Variants in AMELY observed in about 807,000 individuals in gnomAD.
The protein encoded by AMELY is amelogenin, Y isoform.
A neutral mutation model predicts 4.2 loss-of-function variants in AMELY; 4 were observed. The observed-to-expected ratio is 0.96, with a 90% CI of 0.47 to 2.19. The LOEUF (loss-of-function observed/expected upper bound fraction) is 2.19. AMELY is among the 30% of genes most tolerant of loss of function. The pLI is 0.02. For synonymous variants in AMELY, 11 were observed against 14.7 expected, an observed-to-expected ratio of 0.75 and a Z score of 0.57; for missense variants, 32 against 41.5, an observed-to-expected ratio of 0.77 and a Z score of 0.63.
In AMELY at chrY:6,891,568, TCTC is replaced by T. The variant is rs2054082963; in HGVS notation, c.-112-17500_-112-17498del. ...TGTCTGAGAGGTTTTGTCTGTAGCT[TCTC>T]CTGCTACAGCAGTATCAGAGTTTAC... is the stretch of plus-strand genomic sequence containing the variant. On this transcript the variant is annotated intron_variant, in intron 1 of 6. Transcript: ENST00000651267. 1.8e-4 allele frequency among the ~76,000 whole-genome samples: 6 copies of T among 33,786 alleles called. No homozygotes were observed. In the South Asian group the frequency reaches 4.1e-3, roughly 23 times the overall value. The allele number at this position is 33,786 out of a possible 37,273, so 90.6% of individuals were successfully genotyped here.
chrY:6,906,333 T>C, intron 1 of AMELY, among the ~76,000 whole-genome samples: 1 of 33,721 alleles, frequency 3.0e-5, no homozygotes, highest in Non-Finnish European at 7.3e-5. Flanking sequence ...TATATATGTA[T>C]GTATACATAC....
intron 1 of AMELY, among the ~76,000 whole-genome samples, chrY:6,885,719 C>A (rs2054079679): frequency 2.9e-5 from 1 of 34,233 alleles, no homozygotes; most frequent in African/African-American, 1.1e-4. Flanking sequence ...TTATTCTTTG[C>A]AGCAACATAG....
At chrY:6,892,390 A>G (rs776180577) in intron 1 of AMELY, among the ~76,000 whole-genome samples, 1 of 33,446 alleles carries the variant, frequency 3.0e-5, no homozygotes, top group East Asian at 7.9e-4. Context: ...ATTCATCTGC[A>G]TTCTACCACC....
At chrY:6,890,788 G>GCAC (rs2054082514) in intron 1 of AMELY, among the ~76,000 whole-genome samples, 1 of 33,685 alleles carries the variant, frequency 3.0e-5, no homozygotes, top group African/African-American at 1.2e-4. Flanking sequence ...CTTGTCACTG[G>GCAC]TGGTGCTAGG....
At chrY:6,897,129 C>G (rs1603022950) in intron 1 of AMELY, among the ~76,000 whole-genome samples, 1 of 33,282 alleles carries the variant, frequency 3.0e-5, no homozygotes, top group East Asian at 8.1e-4. Context: ...ATGATCTGGG[C>G]CAGATAATCA....
intron 1 of AMELY, among the ~76,000 whole-genome samples, chrY:6,882,509 G>A: frequency 3.0e-5 from 1 of 33,182 alleles, no homozygotes; most frequent in Non-Finnish European, 7.4e-5. Flanking sequence ...GAAAACCTAG[G>A]CAATACCATT....
At chrY:6,910,626 G>A (rs759428101) in intron 1 of AMELY, 12 of 50,250 alleles carry the variant, frequency 2.4e-4, no homozygotes, top group African/African-American at 1.3e-3. Context: ...CACCGCCAGT[G>A]CCAATCCCTT....
intron 1 of AMELY, among the ~76,000 whole-genome samples, chrY:6,900,082 G>GAA (rs2054088399): frequency 3.0e-5 from 1 of 33,480 alleles, no homozygotes; most frequent in Non-Finnish European, 7.4e-5. Flanking sequence ...AGGTTATAGA[G>GAA]AATAGTCACG....
intron 1 of AMELY, among the ~76,000 whole-genome samples, chrY:6,888,275 T>A: frequency 3.0e-5 from 1 of 33,845 alleles, no homozygotes; most frequent in Admixed American, 2.7e-4. Flanking sequence ...TTGAGCTTTT[T>A]TCATATGTCT....
intron 1 of AMELY, among the ~76,000 whole-genome samples, chrY:6,910,447 A>T (rs2124086751): frequency 2.5e-4 from 8 of 31,867 alleles, no homozygotes; most frequent in Admixed American, 2.2e-3. Flanking sequence ...CCTTAGGGGA[A>T]GGGCTGGTTC....
intron 1 of AMELY, among the ~76,000 whole-genome samples, chrY:6,891,975 A>C: frequency 5.8e-5 from 2 of 34,256 alleles, no homozygotes; most frequent in African/African-American, 2.3e-4. Context: ...TGCATTCGTT[A>C]CTGTGCATTC....
intron 1 of AMELY, among the ~76,000 whole-genome samples, chrY:6,885,483 T>C: frequency 3.0e-5 from 1 of 33,496 alleles, no homozygotes; most frequent in African/African-American, 1.2e-4. Context: ...TCAAAGGAGT[T>C]TAAAACAGAA....
intron 1 of AMELY, among the ~76,000 whole-genome samples, chrY:6,902,550 C>T: frequency 3.2e-5 from 1 of 31,669 alleles, no homozygotes; most frequent in Admixed American, 2.9e-4. Context: ...AATGGATCTC[C>T]TGTATTCCTT....
At chrY:6,884,166 C>G in intron 1 of AMELY, among the ~76,000 whole-genome samples, 1 of 30,105 alleles carries the variant, frequency 3.3e-5, no homozygotes, top group Admixed American at 3.3e-4. Flanking sequence ...CCATCGTCTG[C>G]AAACTATCAC....
intron 3 of AMELY, among the ~76,000 whole-genome samples, chrY:6,871,891 A>G (rs1603021545): frequency 3.2e-5 from 1 of 31,603 alleles, no homozygotes; most frequent in Non-Finnish European, 7.6e-5. Flanking sequence ...CCTGGGAGGC[A>G]GAGGTTGCAG....
At chrY:6,891,358 C>T (rs920417504) in intron 1 of AMELY, among the ~76,000 whole-genome samples, 5 of 33,755 alleles carry the variant, frequency 1.5e-4, no homozygotes, top group African/African-American at 4.6e-4. Flanking sequence ...ACTCTGACCA[C>T]GAGTGCATGC....
At chrY:6,890,909 C>T (rs2054082598) in intron 1 of AMELY, among the ~76,000 whole-genome samples, 1 of 32,991 alleles carries the variant, frequency 3.0e-5, no homozygotes, top group Admixed American at 2.8e-4. Context: ...GGCCTAATTG[C>T]GACCCAAACT....
At chrY:6,911,633 G>A in intron 1 of AMELY, among the ~76,000 whole-genome samples, 40 bp downstream of exon 1, 1 of 34,905 alleles carries the variant, frequency 2.9e-5, no homozygotes, top group Non-Finnish European at 7.2e-5. Context: ...CCCCCGGTCT[G>A]TTTGGGGTCT....
intron 3 of AMELY, among the ~76,000 whole-genome samples, chrY:6,870,648 T>G: frequency 3.0e-5 from 1 of 33,766 alleles, no homozygotes; most frequent in African/African-American, 1.2e-4. Flanking sequence ...AGGTGGAAAT[T>G]AATGAATGCC....
Sources: allele counts gnomAD v4.1 joint callset (sites outside exome capture counted in the v4.1 genomes callset), GRCh38; gene constraint gnomAD v4.1.1; transcripts MANE v1.5; gene names NCBI Gene and HGNC (gene_info 2026-07-23, HGNC 2026-07-21).